The following CAST variants were observed in gnomAD, a reference collection of about 807,000 sequenced individuals.
CAST encodes the protein calpastatin.
Under a neutral mutation model 119.6 loss-of-function variants are expected in CAST, and 76 were observed. That is an observed-to-expected ratio of 0.64 (90% CI 0.53 to 0.77). CAST has a LOEUF of 0.77. CAST is among the 30% of genes least tolerant of loss of function. CAST has a pLI of 0.00. For missense variants in CAST, 953 were observed against 946.5 expected (o/e 1.01, Z -0.09); for synonymous variants, 319 against 331.6 (o/e 0.96, Z 0.41).
chr5:96,643,805 C>T (rs1392287367), intron 1 of CAST, among the ~76,000 whole-genome samples: 4 of 151,998 alleles, frequency 2.6e-5, no homozygotes, highest in East Asian at 1.9e-4. Context: ...CCTTGGAGGC[C>T]GAGATTGCAG....
the CAST span, among the ~76,000 whole-genome samples, chr5:96,179,021 G>A: frequency 6.6e-6 from 1 of 152,156 alleles, no homozygotes; most frequent in Non-Finnish European, 1.5e-5. Context: ...ACACCAATCA[G>A]TCACGAAGAC....
chr5:96,356,565 T>A, the CAST span, among the ~76,000 whole-genome samples: 1 of 152,148 alleles, frequency 6.6e-6, no homozygotes, highest in Non-Finnish European at 1.5e-5. Context: ...AGCTAGTTTT[T>A]TCAACACCAT....
the CAST span, among the ~76,000 whole-genome samples, chr5:96,105,374 G>T: frequency 6.6e-6 from 1 of 152,188 alleles, no homozygotes; most frequent in Non-Finnish European, 1.5e-5. Context: ...CTGTGGGTTT[G>T]TCATAGATAG....
chr5:96,622,857 CTTTTTTTTTTTTT>C, intron 1 of CAST, among the ~76,000 whole-genome samples: 1 of 64,468 alleles, frequency 1.6e-5, no homozygotes, highest in African/African-American at 7.2e-5. Context: ...TTATGGGACT[CTTTTTTTTTTTTT>C]TTTTTTTTTT....
At chr5:96,065,481 T>C in the CAST span, among the ~76,000 whole-genome samples, 2 of 151,984 alleles carry the variant, frequency 1.3e-5, no homozygotes, top group African/African-American at 4.8e-5. Flanking sequence ...GTTTAAAACT[T>C]ATTCTCTATA....
chr5:96,467,309 G>A, the CAST span, among the ~76,000 whole-genome samples: 1 of 151,794 alleles, frequency 6.6e-6, no homozygotes, highest in East Asian at 1.9e-4. Flanking sequence ...TGTGGTTTTT[G>A]CCATGCAATA....
chr5:96,679,237 G>A (rs1166780604), intron 2 of CAST: 1 of 152,076 alleles, frequency 6.6e-6, no homozygotes, highest in Non-Finnish European at 1.5e-5. Flanking sequence ...TTGAGGATAG[G>A]GTAAGGTAAG....
At chr5:96,061,653 G>T in the CAST span, among the ~76,000 whole-genome samples, 1 of 151,860 alleles carries the variant, frequency 6.6e-6, no homozygotes. Context: ...CAGTGTGTGT[G>T]TGTGTGTGTG....
chr5:96,423,488 T>C, the CAST span: 2 of 1,611,138 alleles, frequency 1.2e-6, no homozygotes, highest in Non-Finnish European at 1.7e-6. Flanking sequence ...GAAGCATTGA[T>C]AAAATTATCA....
the CAST span, among the ~76,000 whole-genome samples, chr5:96,142,881 GTTA>G: frequency 6.6e-6 from 1 of 152,120 alleles, no homozygotes; most frequent in South Asian, 2.1e-4. Context: ...GTGTTTGCTA[GTTA>G]TTGTGTTATT....
chr5:96,018,728 C>T, the CAST span, among the ~76,000 whole-genome samples: 1 of 152,172 alleles, frequency 6.6e-6, no homozygotes, highest in Non-Finnish European at 1.5e-5. Flanking sequence ...TAAGTGACCA[C>T]TTGGTAAGTG....
chr5:96,003,310 G>C, the CAST span, among the ~76,000 whole-genome samples: 1 of 152,000 alleles, frequency 6.6e-6, no homozygotes, highest in Non-Finnish European at 1.5e-5. Flanking sequence ...AGGCCGAGGA[G>C]GGCAGATCAT....
chr5:96,153,928 A>AT, the CAST span, among the ~76,000 whole-genome samples: 1 of 152,220 alleles, frequency 6.6e-6, no homozygotes, highest in Admixed American at 6.5e-5. Flanking sequence ...TATATCTGAA[A>AT]TATTTGAGGC....
At chr5:96,178,135 T>C in the CAST span, among the ~76,000 whole-genome samples, 838 of 152,302 alleles carry the variant, frequency 5.5e-3, 6 homozygotes, top group South Asian at 7.3e-3. Flanking sequence ...GATGAAACCA[T>C]AGATTCAATA....
the CAST span, among the ~76,000 whole-genome samples, chr5:96,139,296 C>A: frequency 1.3e-5 from 2 of 151,580 alleles, no homozygotes; most frequent in East Asian, 3.9e-4. Context: ...CTTGCATTCT[C>A]CCTTTATTTC....
At chr5:96,006,271 G>GT in the CAST span, among the ~76,000 whole-genome samples, 1 of 151,990 alleles carries the variant, frequency 6.6e-6, no homozygotes, top group East Asian at 1.9e-4. Context: ...CTCAGCAGGG[G>GT]TGTCCAATCT....
chr5:96,470,791 T>C, the CAST span, among the ~76,000 whole-genome samples: 1 of 152,082 alleles, frequency 6.6e-6, no homozygotes, highest in African/African-American at 2.4e-5. Flanking sequence ...ATATTAGTAG[T>C]CTGCTTAGGA....
Position 96,662,488 on chromosome 5 carries a change from C to T in CAST, c.66C>T (p.Arg22=), listed in dbSNP as rs896099327. The change falls in exon 1 of 32, where the codon CGC becomes CGT. Residue 22 remains arginine, a synonymous_variant. Transcript: ENST00000675179. ...CCCGGCGAGCAGCCGCCGCCCGCCG[C>T]ACCCATGAGGTGAGTGGCGCTCCTG... is the stretch of plus-strand genomic sequence containing the variant. ...PRPRRAAAAR[R]THEHVSEKTS... 1 of 1,434,312 alleles carries T rather than the reference C, an allele frequency of 7.0e-7. No individual in the cohort carries two copies. 88.8% of individuals were successfully genotyped at this position (1,434,312 alleles called of 1,614,324 possible). A position where few individuals can be genotyped will look rare whatever the true frequency, so the allele number is the denominator to read the frequency against.
chr5:96,043,778 A>T, the CAST span, among the ~76,000 whole-genome samples: 21 of 152,332 alleles, frequency 1.4e-4, no homozygotes, highest in Admixed American at 4.6e-4. Flanking sequence ...AAATAAAAGT[A>T]TCCTGATTGG....
Sources: gnomAD v4.1 joint callset for allele counts (sites outside exome capture counted in the v4.1 genomes callset) on GRCh38, gnomAD v4.1.1 for gene constraint, MANE v1.5 for transcripts, NCBI Gene and HGNC (gene_info 2026-07-23, HGNC 2026-07-21) for gene names.